TECPR1: variants seen among roughly 807,000 people sequenced by gnomAD.
TECPR1 encodes tectonin beta-propeller repeat-containing protein 1.
TECPR1 carries 122 observed loss-of-function variants against 162.4 expected under a neutral mutation model. The observed-to-expected ratio is 0.75, with a 90% confidence interval of 0.65 to 0.87. The LOEUF (loss-of-function observed/expected upper bound fraction) is 0.87. TECPR1 is among the 40% of genes least tolerant of loss of function. TECPR1 has a pLI of 0.00. For synonymous variants in TECPR1, 642 were observed against 670.6 expected, an observed-to-expected ratio of 0.96 and a Z score of 0.66; for missense variants, 1,432 against 1,618.2, an observed-to-expected ratio of 0.88 and a Z score of 1.97.
chr7:98,236,277 C>T (rs572223190), intron 10 of TECPR1, among the ~76,000 whole-genome samples: 102 of 152,278 alleles, frequency 6.7e-4, no homozygotes, highest in African/African-American at 2.2e-3. Flanking sequence ...GGGTAAGACC[C>T]GGAGATCAAA....
At chr7:98,234,821 C>T (rs549433833) in intron 10 of TECPR1, among the ~76,000 whole-genome samples, 1 of 151,724 alleles carries the variant, frequency 6.6e-6, no homozygotes, top group Non-Finnish European at 1.5e-5. Flanking sequence ...TGTGATCCTC[C>T]CACCTCTGCC....
chr7:98,249,265 A>C (rs1442152390), intron 2 of TECPR1, among the ~76,000 whole-genome samples: 1 of 152,132 alleles, frequency 6.6e-6, no homozygotes, highest in Non-Finnish European at 1.5e-5. Flanking sequence ...GAAGACAGGA[A>C]GCAGAACAAA....
chr7:98,224,774 G>A (rs765454198), intron 19 of TECPR1, 27 bp downstream of exon 19: 40 of 1,558,718 alleles, frequency 2.6e-5, no homozygotes, highest in Non-Finnish European at 2.2e-5. Flanking sequence ...GACCCAGCCC[G>A]AAGGCCCTGT....
chr7:98,223,586 C>T lies in TECPR1; in HGVS notation c.2747+76G>A, dbSNP rs551673019. ...AGGCCAGGAGATCTGGCCCGGGGTG[C>T]AGGGAACCAGAGCTCCCTCAAGGGT... On this transcript the variant is annotated intron_variant, in intron 20 of 25. Coordinates refer to ENST00000447648, the MANE Select transcript of TECPR1 (RefSeq NM_015395.3). 26 of 1,521,158 alleles carry T rather than the reference C, an allele frequency of 1.7e-5. No homozygotes were observed. In the East Asian group the frequency reaches 2.7e-4, roughly 16 times the overall value. 94.2% of individuals were successfully genotyped at this position (1,521,158 alleles called of 1,614,324 possible). A position where few individuals can be genotyped will look rare whatever the true frequency, so the allele number is the denominator to read the frequency against.
intron 17 of TECPR1, 69 bp from the exon 18 acceptor site, chr7:98,225,171 A>G (rs1798250286): frequency 1.4e-6 from 2 of 1,389,836 alleles, no homozygotes; most frequent in Non-Finnish European, 9.9e-7. Flanking sequence ...AGACACCCCC[A>G]TAACACCCCA....
chr7:98,224,447 C>T (rs1383786011), intron 19 of TECPR1, among the ~76,000 whole-genome samples: 4 of 152,194 alleles, frequency 2.6e-5, no homozygotes, highest in Non-Finnish European at 4.4e-5. Flanking sequence ...AGAGGCCACT[C>T]GCCCTCCTCA....
In TECPR1 at chr7:98,244,552, C is replaced by A. The variant is rs1393565683; in HGVS notation, c.531+19G>T. On this transcript the variant is annotated intron_variant, in intron 5 of 25. Coordinates refer to ENST00000447648, the MANE Select transcript of TECPR1 (RefSeq NM_015395.3). ...TCCTGGCCCTATCCTGCCCCCAACC[C>A]ACATTCAGGAACAGAGACCTTGGCC... 14 of 1,594,636 alleles carry A rather than the reference C, an allele frequency of 8.8e-6. No homozygotes were observed. Among genetic ancestry groups the A allele is most frequent in the Non-Finnish European group, 1.1e-5 (13 of 1,168,020 alleles).
At chr7:98,236,645 C>G in intron 10 of TECPR1, 131 bp downstream of exon 10, 1 of 1,220,066 alleles carries the variant, frequency 8.2e-7, no homozygotes, top group Non-Finnish European at 1.1e-6. Flanking sequence ...TGAGTGGAGA[C>G]CCATTTTCTC....
At chr7:98,221,388 T>A (rs1165862990) in intron 23 of TECPR1, among the ~76,000 whole-genome samples, 1 of 152,198 alleles carries the variant, frequency 6.6e-6, no homozygotes, top group Admixed American at 6.5e-5. Flanking sequence ...ATACTCCCTT[T>A]ACCCTGATGT....
chr7:98,217,823 A>AC lies in TECPR1; in HGVS notation c.3265-13dup, dbSNP rs1454555658. On this transcript the variant is annotated splice_polypyrimidine_tract_variant and intron_variant, in intron 24 of 25. Transcript: ENST00000447648. ...GCGATCACCCAGACCTGGAGCACAG[A>AC]CCCCATGAAGCCCTCAGCCCTACCT... 1.3e-6 allele frequency: 2 copies of AC among 1,548,476 alleles called. No homozygotes were observed. Among genetic ancestry groups the AC allele is most frequent in the African/African-American group, 2.7e-5 (2 of 73,114 alleles).
chr7:98,217,620 G>A, intron 25 of TECPR1, 72 bp downstream of exon 25: 1 of 1,521,738 alleles, frequency 6.6e-7, no homozygotes, highest in Non-Finnish European at 8.8e-7. Flanking sequence ...GTCCCACAGT[G>A]GTCGTCCCGT....
chr7:98,245,121 CCCAGGCGGG>C (rs768570553), intron 3 of TECPR1, 54 bp from the exon 4 acceptor site: 1 of 1,541,922 alleles, frequency 6.5e-7, no homozygotes. Context: ...TGGGCGGGAA[CCCAGGCGGG>C]CCAGGCATCT....
chr7:98,219,675 G>C (rs1798097006), intron 23 of TECPR1, among the ~76,000 whole-genome samples: 1 of 152,174 alleles, frequency 6.6e-6, no homozygotes, highest in Admixed American at 6.5e-5. Context: ...GCCAAGGCAG[G>C]CGGATCACCT....
rs372785614 is a variant in TECPR1, at chr7:98,217,522, G to A, written c.3385-19C>T. ...AGCCTCCCTGGAAGGAGAGAGCTGT[G>A]TCACCAGGGGACTCGGGGACTCGAG... On this transcript the variant is annotated intron_variant, in intron 25 of 25. Transcript: ENST00000447648. 21 of 1,561,826 alleles carry A rather than the reference G, an allele frequency of 1.3e-5. No individual in the cohort carries two copies. Among genetic ancestry groups the A allele is most frequent in the South Asian group, 7.0e-5 (6 of 86,284 alleles).
chr7:98,245,767 C>T (rs1172248514), intron 3 of TECPR1, among the ~76,000 whole-genome samples, 155 bp downstream of exon 3: 2 of 152,182 alleles, frequency 1.3e-5, no homozygotes, highest in Non-Finnish European at 2.9e-5. Context: ...AGTCACCACG[C>T]CTGGCAGCAA....
At chr7:98,248,626 G>A (rs1798973734) in intron 2 of TECPR1, among the ~76,000 whole-genome samples, 1 of 147,308 alleles carries the variant, frequency 6.8e-6, no homozygotes, top group Non-Finnish European at 1.5e-5. Context: ...TGGATCACCT[G>A]ATGCCAGGAG....
Position 98,243,532 on chromosome 7 carries a change from C to T in TECPR1, c.592G>A (p.Gly198Ser), listed in dbSNP as rs766804227. The change falls in exon 6 of 26, where the codon GGC becomes AGC. Residue 198 changes from glycine to serine, a missense_variant. Physicochemically the swap from Gly to Ser is moderately conservative, Grantham distance 56 (BLOSUM62 0). Coordinates refer to ENST00000447648, the MANE Select transcript of TECPR1 (RefSeq NM_015395.3). ...PDPFNDLSVG[G>S]WEITEEPVGR... ...ACAGGCTCCTCCGTGATCTCCCAGC[C>T]CCCTACAGAGAGGTCGTTGAAGGGG... is the stretch of plus-strand genomic sequence containing the variant. 6 of 1,612,612 alleles carry T rather than the reference C, an allele frequency of 3.7e-6. No individual in the cohort carries two copies. The highest frequency in any genetic ancestry group is 4.2e-6 in the Non-Finnish European group (5 of 1,179,812).
rs368859211 is a variant in TECPR1 at position 98,233,524 on chromosome 7, C to T, written c.1569G>A (p.Glu523=). Residue 523 remains glutamate (E), a synonymous_variant, in exon 11 of 26, where the codon GAG becomes GAA. Transcript: ENST00000447648. ...SSLGLLPLGL[E]EPYGVDDHPL... Reference sequence around the variant, plus strand: ...GGTGGTCATCCACCCCATACGGCTCCTCCAAGCCCAGTGGGAGGAGCCCCA... The same window carrying T: ...GGTGGTCATCCACCCCATACGGCTCTTCCAAGCCCAGTGGGAGGAGCCCCA... 2.3e-5 allele frequency: 36 copies of T among 1,576,362 alleles called. No homozygotes were observed. The African/African-American group carries it at 4.2e-4, about 19-fold the overall frequency.
At chr7:98,222,247 C>T in intron 22 of TECPR1, 139 bp downstream of exon 22, 1 of 1,239,804 alleles carries the variant, frequency 8.1e-7, no homozygotes, top group Non-Finnish European at 1.1e-6. Context: ...ACCTCCCAGT[C>T]AGTCCCAGTG....
Sources: gnomAD v4.1 joint callset for allele counts (sites outside exome capture counted in the v4.1 genomes callset) on GRCh38, gnomAD v4.1.1 for gene constraint, MANE v1.5 for transcripts, NCBI Gene and HGNC (gene_info 2026-07-23, HGNC 2026-07-21) for gene names.